Variants in ZFPM2 observed in about 807,000 individuals in gnomAD.
ZFPM2 encodes zinc finger protein, FOG family member 2, also known as zinc finger protein ZFPM2.
In ZFPM2, 20 loss-of-function variants were observed where a neutral mutation model predicts 98.6. That is an observed-to-expected ratio of 0.20 (90% CI 0.14 to 0.29). The LOEUF is 0.29. Among genes scored for constraint, ZFPM2 ranks in the 10% least tolerant of loss-of-function variants. The pLI, the probability that ZFPM2 is intolerant of heterozygous loss-of-function variation, is 1.00. For missense variants in ZFPM2, 1,310 were observed against 1,388.6 expected (o/e 0.94, Z 0.90); for synonymous variants, 518 against 502.7 (o/e 1.03, Z -0.41).
At chr8:105,511,775 G>A (rs532379737) in intron 3 of ZFPM2, among the ~76,000 whole-genome samples, 1 of 152,240 alleles carries the variant, frequency 6.6e-6, no homozygotes, top group South Asian at 2.1e-4. Flanking sequence ...GAAATCACTT[G>A]GTCAGTTCAG....
chr8:105,334,177 G>T (rs535878376), intron 1 of ZFPM2, among the ~76,000 whole-genome samples: 169 of 149,664 alleles, frequency 1.1e-3, no homozygotes, highest in African/African-American at 3.9e-3. Flanking sequence ...GGAGGGGTTT[G>T]GGGCCAGAAA....
chr8:105,406,442 A>G (rs1465361430), intron 1 of ZFPM2, among the ~76,000 whole-genome samples: 6 of 152,006 alleles, frequency 3.9e-5, no homozygotes, highest in Non-Finnish European at 7.4e-5. Context: ...TACACCTTAT[A>G]CAAAAATTAA....
chr8:105,430,750 T>A (rs577051915), intron 2 of ZFPM2, among the ~76,000 whole-genome samples: 1 of 152,200 alleles, frequency 6.6e-6, no homozygotes, highest in Admixed American at 6.5e-5. Context: ...GGAAGCTAGA[T>A]GTGCATCTGA....
intron 5 of ZFPM2, among the ~76,000 whole-genome samples, chr8:105,780,916 GA>G (rs1318890215): frequency 1.3e-5 from 2 of 152,192 alleles, no homozygotes; most frequent in East Asian, 3.9e-4. Flanking sequence ...GTCATTTTCT[GA>G]GTTTCAAAAT....
chr8:105,501,801 A>G (rs1813601356), intron 3 of ZFPM2, among the ~76,000 whole-genome samples: 1 of 152,160 alleles, frequency 6.6e-6, no homozygotes, highest in African/African-American at 2.4e-5. Context: ...CTTTATGATA[A>G]GTTAGTAATG....
rs10560485 is a variant in ZFPM2 at position 105,345,425 on chromosome 8, CTTT to C, written c.40+26466_40+26468del. 6.2e-3 allele frequency among the ~76,000 whole-genome samples: 606 copies of C among 98,334 alleles called. 5 individuals are homozygous for C. The highest frequency in any genetic ancestry group is 0.021 in the African/African-American group (575 of 27,804). The allele number at this position is 98,334 out of a possible 152,430, so 64.5% of individuals were successfully genotyped here. The stretch of plus-strand genomic sequence containing the variant: ...ACATATCTAGCTTATTCGTGATGTT[CTTT>C]TTTTTTTTTTTTTTTTTTTTTAAGT... On this transcript the variant is annotated intron_variant, in intron 1 of 7. Coordinates refer to ENST00000407775, the MANE Select transcript of ZFPM2 (RefSeq NM_012082.4).
chr8:105,769,638 C>G (rs1463220288), intron 5 of ZFPM2, among the ~76,000 whole-genome samples: 1 of 151,996 alleles, frequency 6.6e-6, no homozygotes, highest in Non-Finnish European at 1.5e-5. Flanking sequence ...GAGCCTTGAT[C>G]ATGAACTTGT....
chr8:105,631,684 T>C (rs1816757578), intron 4 of ZFPM2, among the ~76,000 whole-genome samples: 1 of 152,194 alleles, frequency 6.6e-6, no homozygotes, highest in Non-Finnish European at 1.5e-5. Flanking sequence ...ATTTTTATTG[T>C]ATCTGTATCC....
chr8:105,567,794 A>G (rs1319772004), intron 4 of ZFPM2, among the ~76,000 whole-genome samples: 2 of 152,144 alleles, frequency 1.3e-5, no homozygotes, highest in East Asian at 3.8e-4. Context: ...ATAAAAATCT[A>G]ATCGAATTGA....
chr8:105,775,077 TAA>T (rs397968210), intron 5 of ZFPM2, among the ~76,000 whole-genome samples: 7,747 of 104,760 alleles, frequency 0.074, 267 homozygotes, highest in East Asian at 0.12. Context: ...CTCTTGGAAT[TAA>T]AAAAAAAAAA....
At position 105,425,097 on chromosome 8, in the gene ZFPM2, G is replaced by A. The variant is rs1302198644; in HGVS notation, c.199+5795G>A. Among the ~76,000 whole-genome samples, 4 of 152,154 alleles carry A rather than the reference G, an allele frequency of 2.6e-5. No homozygotes were observed. In the East Asian group the frequency reaches 7.7e-4, roughly 29 times the overall value. On this transcript the variant is annotated intron_variant, in intron 2 of 7. Transcript: ENST00000407775. ...TATAGGAAGCCAGAAGAGGACAGCA[G>A]AGAGCTGGGGAGCAGAAGAGGCACT... is the stretch of plus-strand genomic sequence containing the variant.
chr8:105,735,207 G>A (rs967702635), intron 5 of ZFPM2, among the ~76,000 whole-genome samples: 1 of 150,078 alleles, frequency 6.7e-6, no homozygotes, highest in African/African-American at 2.4e-5. Flanking sequence ...TTTGTAATCT[G>A]TTGCTGCTGT....
intron 3 of ZFPM2, among the ~76,000 whole-genome samples, chr8:105,449,670 G>A (rs1002713310): frequency 1.3e-5 from 2 of 151,806 alleles, no homozygotes; most frequent in Non-Finnish European, 2.9e-5. Context: ...TTATATCTTG[G>A]TTCTGCCACT....
In ZFPM2 at chr8:105,403,027, A is replaced by G. The variant is rs148612656; in HGVS notation, c.41-16117A>G. Among the ~76,000 whole-genome samples, 662 of 151,922 alleles carry G rather than the reference A, an allele frequency of 4.4e-3. 6 individuals are homozygous for G. The highest frequency in any genetic ancestry group is 0.014 in the African/African-American group (600 of 41,488). On this transcript the variant is annotated intron_variant, in intron 1 of 7. Coordinates refer to ENST00000407775, the MANE Select transcript of ZFPM2 (RefSeq NM_012082.4). The stretch of plus-strand genomic sequence containing the variant: ...TTATTTTTTTCTTTGTAGGTGGTCT[A>G]TTTTGGTAGAGTGCTAGTTTTGAGT...
intron 3 of ZFPM2, among the ~76,000 whole-genome samples, chr8:105,551,949 T>C (rs1814863451): frequency 1.3e-5 from 1 of 74,958 alleles, no homozygotes; most frequent in African/African-American, 1.6e-4. Context: ...TGACTTGTGA[T>C]AAGTTCTAAG....
intron 4 of ZFPM2, among the ~76,000 whole-genome samples, chr8:105,621,903 G>T (rs1301560122): frequency 6.6e-6 from 1 of 151,978 alleles, no homozygotes; most frequent in Non-Finnish European, 1.5e-5. Flanking sequence ...CAATGTGCAG[G>T]TTTGTTACAT....
At chr8:105,422,337 T>C (rs932676972) in intron 2 of ZFPM2, among the ~76,000 whole-genome samples, 2 of 151,982 alleles carry the variant, frequency 1.3e-5, no homozygotes, top group African/African-American at 4.8e-5. Context: ...CTCGGGAGGC[T>C]GAGGCAGACA....
At chr8:105,705,287 T>C (rs1316471130) in intron 5 of ZFPM2, among the ~76,000 whole-genome samples, 1 of 152,076 alleles carries the variant, frequency 6.6e-6, no homozygotes, top group Non-Finnish European at 1.5e-5. Context: ...AATATACAAA[T>C]AAGATTAAGT....
chr8:105,343,151 T>C (rs1338157224), intron 1 of ZFPM2, among the ~76,000 whole-genome samples: 1 of 152,134 alleles, frequency 6.6e-6, no homozygotes, highest in African/African-American at 2.4e-5. Flanking sequence ...GATTTTGGTT[T>C]AAAAAATCAA....
Sources: allele counts gnomAD v4.1 joint callset (sites outside exome capture counted in the v4.1 genomes callset), GRCh38; gene constraint gnomAD v4.1.1; transcripts MANE v1.5; gene names NCBI Gene and HGNC (gene_info 2026-07-23, HGNC 2026-07-21).